Variants in NAALADL2 observed in about 807,000 individuals in gnomAD.
NAALADL2 encodes N-acetylated alpha-linked acidic dipeptidase like 2.
A neutral mutation model predicts 87.2 loss-of-function variants in NAALADL2; 76 were observed. The observed-to-expected ratio is 0.87, with a 90% CI of 0.72 to 1.05. The LOEUF (loss-of-function observed/expected upper bound fraction) is 1.05, where lower values mean the gene tolerates loss of function less well. Among genes scored for constraint, NAALADL2 ranks in the 50% least tolerant of loss-of-function variants. NAALADL2 has a pLI of 0.00. For synonymous variants in NAALADL2, 354 were observed against 331.0 expected (o/e 1.07, Z -0.75); for missense variants, 1,089 against 945.8 (o/e 1.15, Z -1.99).
intron 1 of NAALADL2, among the ~76,000 whole-genome samples, chr3:175,011,797 T>C (rs181220746): frequency 6.6e-6 from 1 of 152,246 alleles, no homozygotes; most frequent in Admixed American, 6.5e-5. Flanking sequence ...TTATGTTCCC[T>C]CCAGTTTTCT....
At chr3:174,588,893 C>T (rs1234801156) in intron 2 of NAALADL2, among the ~76,000 whole-genome samples, 2 of 152,194 alleles carry the variant, frequency 1.3e-5, no homozygotes, top group African/African-American at 4.8e-5. Context: ...GACCACTACT[C>T]TCTTCAAGAC....
chr3:175,553,400 T>C (rs185923608), intron 9 of NAALADL2, among the ~76,000 whole-genome samples: 213 of 152,248 alleles, frequency 1.4e-3, no homozygotes, highest in African/African-American at 4.7e-3. Flanking sequence ...TAGGATGCTT[T>C]TTCTTCTCCA....
chr3:175,590,214 ATATATATAT>A lies in NAALADL2; in HGVS notation c.1800+14028_1800+14036del, dbSNP rs1721204064. On this transcript the variant is annotated intron_variant, in intron 10 of 13. Transcript: ENST00000454872. Reference sequence around the variant, plus strand: ...GCGACAGAGCGAGACTCCGTCTAATATATATATATATATATATATATATATATATATATA... The same window carrying A: ...GCGACAGAGCGAGACTCCGTCTAATAATATATATATATATATATATATATA... Among the ~76,000 whole-genome samples, 99 of 146,952 alleles carry A rather than the reference ATATATATAT, an allele frequency of 6.7e-4. 5 individuals are homozygous for A. Among genetic ancestry groups the A allele is most frequent in the African/African-American group, 2.2e-3 (85 of 39,362 alleles).
intron 3 of NAALADL2, among the ~76,000 whole-genome samples, chr3:174,758,329 T>C (rs916501748): frequency 2.6e-5 from 4 of 152,250 alleles, no homozygotes; most frequent in African/African-American, 9.6e-5. Flanking sequence ...GCCAACATTT[T>C]CTCACTTTCA....
chr3:175,293,971 A>C (rs141801439), intron 4 of NAALADL2, among the ~76,000 whole-genome samples: 3 of 152,202 alleles, frequency 2.0e-5, no homozygotes, highest in Non-Finnish European at 4.4e-5. Context: ...GTTGTAAAGA[A>C]GACATCCTAG....
chr3:174,818,336 A>T (rs1721019912), intron 3 of NAALADL2, among the ~76,000 whole-genome samples: 1 of 152,022 alleles, frequency 6.6e-6, no homozygotes, highest in Non-Finnish European at 1.5e-5. Context: ...CTTAATGCAG[A>T]GCTTCTTCTT....
chr3:174,589,259 T>C (rs1167227142), intron 2 of NAALADL2, among the ~76,000 whole-genome samples: 1 of 152,188 alleles, frequency 6.6e-6, no homozygotes, highest in East Asian at 1.9e-4. Flanking sequence ...GTCCCAATTT[T>C]CCAGGTACCA....
chr3:175,048,508 ATTT>A (rs11346343), intron 1 of NAALADL2, among the ~76,000 whole-genome samples: 1,752 of 136,070 alleles, frequency 0.013, 34 homozygotes, highest in African/African-American at 0.044. Flanking sequence ...TTCTAAAACC[ATTT>A]TTTTTTTTTT....
At chr3:174,670,128 GT>G (rs63250260) in intron 2 of NAALADL2, among the ~76,000 whole-genome samples, 96,409 of 151,462 alleles carry the variant, frequency 0.64, 31,390 homozygotes, top group Admixed American at 0.72. Flanking sequence ...ATTTCTAACA[GT>G]TTTTTTTGTG....
At chr3:175,150,461 C>T (rs1477912262) in intron 2 of NAALADL2, among the ~76,000 whole-genome samples, 1 of 152,050 alleles carries the variant, frequency 6.6e-6, no homozygotes, top group Non-Finnish European at 1.5e-5. Context: ...ATGACAGGTG[C>T]CAGTGCATCT....
At chr3:175,453,408 G>A (rs149282419) in intron 6 of NAALADL2, among the ~76,000 whole-genome samples, 108 of 152,124 alleles carry the variant, frequency 7.1e-4, no homozygotes, top group Middle Eastern at 3.4e-3. Flanking sequence ...ATCCAAATAT[G>A]TCTTGCATGT....
At chr3:175,584,918 TTAA>T (rs1720325026) in intron 10 of NAALADL2, among the ~76,000 whole-genome samples, 1 of 152,144 alleles carries the variant, frequency 6.6e-6, no homozygotes, top group Non-Finnish European at 1.5e-5. Context: ...TATTAAAGAC[TTAA>T]TAAACACTAT....
intron 4 of NAALADL2, among the ~76,000 whole-genome samples, chr3:175,272,202 T>C (rs1041280547): frequency 4.6e-5 from 7 of 152,206 alleles, no homozygotes; most frequent in Admixed American, 4.6e-4. Context: ...AGAGAGAAGA[T>C]GTTAGACATT....
rs149910499 is a variant in NAALADL2 at position 174,720,824 on chromosome 3, C to T, written c.-114-16817C>T. ...CTTTGGTTAATAAATTCTTGCCGTT[C>T]GAATGTAGTATTTGGCTTCAAATTC... On this transcript the variant is annotated intron_variant, in intron 2 of 3. Coordinates refer to the NAALADL2 transcript ENST00000434257. Among the ~76,000 whole-genome samples the T allele has an allele frequency of 2.0e-4, 31 of 152,118 alleles. No homozygotes were observed. In the East Asian group the frequency reaches 4.4e-3, roughly 22 times the overall value.
At chr3:175,737,726 T>G (rs917073639) in intron 12 of NAALADL2, among the ~76,000 whole-genome samples, 7 of 140,908 alleles carry the variant, frequency 5.0e-5, no homozygotes, top group Non-Finnish European at 9.2e-5. Flanking sequence ...TTTTTTTTTT[T>G]TTTTTTTTTT....
At chr3:174,789,825 C>A (rs1434766677) in intron 3 of NAALADL2, among the ~76,000 whole-genome samples, 1 of 152,150 alleles carries the variant, frequency 6.6e-6, no homozygotes, top group Non-Finnish European at 1.5e-5. Flanking sequence ...CTAAAGAGAG[C>A]ATGTAAGTTG....
chr3:175,059,000 T>C (rs1712841433), intron 1 of NAALADL2, among the ~76,000 whole-genome samples: 1 of 152,100 alleles, frequency 6.6e-6, no homozygotes, highest in Non-Finnish European at 1.5e-5. Flanking sequence ...TTAGAAGGAG[T>C]TGTCAGGGAC....
At chr3:175,008,752 C>CAGG (rs1201183046) in intron 1 of NAALADL2, among the ~76,000 whole-genome samples, 1 of 106,472 alleles carries the variant, frequency 9.4e-6, no homozygotes, top group African/African-American at 5.5e-5. Flanking sequence ...ATAGGGTAGG[C>CAGG]TAGGGTTTGG....
At chr3:175,271,432 A>C (rs981621963) in intron 4 of NAALADL2, among the ~76,000 whole-genome samples, 1 of 152,242 alleles carries the variant, frequency 6.6e-6, no homozygotes, top group Non-Finnish European at 1.5e-5. Context: ...CTTCATGCAC[A>C]TGAAAGAGTA....
Sources: gnomAD v4.1 joint callset for allele counts (sites outside exome capture counted in the v4.1 genomes callset) on GRCh38, gnomAD v4.1.1 for gene constraint, MANE v1.5 for transcripts, NCBI Gene and HGNC (gene_info 2026-07-23, HGNC 2026-07-21) for gene names.